Variants in CACUL1 observed in about 807,000 individuals in gnomAD.
The protein encoded by CACUL1 is CDK2 associated cullin domain 1, also known as CDK2-associated and cullin domain-containing protein 1.
A neutral mutation model predicts 45.2 loss-of-function variants in CACUL1; 13 were observed. That is an observed-to-expected ratio of 0.29 (90% CI 0.19 to 0.46). The LOEUF is 0.46. CACUL1 is among the 20% of genes least tolerant of loss of function. CACUL1 has a pLI of 1.00. For synonymous variants in CACUL1, 197 were observed against 174.2 expected, an observed-to-expected ratio of 1.13 and a Z score of -1.03; for missense variants, 421 against 471.4, an observed-to-expected ratio of 0.89 and a Z score of 0.99.
chr10:118,745,974 T>TA (rs1305797647), intron 1 of CACUL1, among the ~76,000 whole-genome samples: 2,843 of 112,132 alleles, frequency 0.025, 180 homozygotes, highest in East Asian at 0.21. Flanking sequence ...CCATCTCTAC[T>TA]AAAAAAAAAA....
At chr10:118,718,654 C>T (rs1421497774) in intron 3 of CACUL1, among the ~76,000 whole-genome samples, 1 of 152,226 alleles carries the variant, frequency 6.6e-6, no homozygotes, top group Non-Finnish European at 1.5e-5. Context: ...CGGCTCACTG[C>T]AAGCTCCACC....
intron 3 of CACUL1, 114 bp from the exon 4 acceptor site, chr10:118,707,701 C>CAAAAAAAAAAAAA (rs879008510): frequency 3.4e-6 from 1 of 291,854 alleles, no homozygotes; most frequent in African/African-American, 3.0e-5. Context: ...TCACAATTAA[C>CAAAAAAAAAAAAA]AAAAAAAAAA....
chr10:118,719,251 G>A (rs1589611372), intron 3 of CACUL1, among the ~76,000 whole-genome samples: 1 of 152,070 alleles, frequency 6.6e-6, no homozygotes, highest in African/African-American at 2.4e-5. Flanking sequence ...GTACAACGTT[G>A]GCATTTTTGT....
rs571673575 is a variant in CACUL1 at position 118,748,857 on chromosome 10, C to A, written c.367+5539G>T. On this transcript the variant is annotated intron_variant, in intron 1 of 8. Transcript: ENST00000369151. ...GCGACATGGGTTAAAATGCATCAAA[C>A]TGCACACCTAAAATGGGTACACTAT... 2.0e-5 allele frequency among the ~76,000 whole-genome samples: 3 copies of A among 152,120 alleles called. No homozygotes were observed. The South Asian group carries it at 6.2e-4, about 32-fold the overall frequency.
chr10:118,705,773 T>C (rs1845427089), intron 4 of CACUL1, among the ~76,000 whole-genome samples: 1 of 152,226 alleles, frequency 6.6e-6, no homozygotes, highest in Non-Finnish European at 1.5e-5. Context: ...AAAGAAACTT[T>C]GCTTATTATG....
chr10:118,688,498 C>A (rs1845229868), intron 7 of CACUL1, among the ~76,000 whole-genome samples: 1 of 152,122 alleles, frequency 6.6e-6, no homozygotes, highest in Non-Finnish European at 1.5e-5. Flanking sequence ...AAAATACAGA[C>A]GTGAAAACAA....
At chr10:118,699,964 A>T (rs1845362793) in intron 5 of CACUL1, among the ~76,000 whole-genome samples, 1 of 152,000 alleles carries the variant, frequency 6.6e-6, no homozygotes, top group Non-Finnish European at 1.5e-5. Flanking sequence ...ATGTTTAAAG[A>T]TGTTGATAAA....
Position 118,754,861 on chromosome 10 carries a change from C to T in CACUL1, c.-99G>A, listed in dbSNP as rs1845942179. The T allele has an allele frequency of 6.9e-7, 1 of 1,456,980 alleles. No individual in the cohort carries two copies. The highest frequency in any genetic ancestry group is 9.1e-7 in the Non-Finnish European group (1 of 1,094,794). 90.3% of individuals were successfully genotyped at this position (1,456,980 alleles called of 1,614,324 possible). ...CTGCCTCCCCGAGTTACATCGCCGG[C>T]GGCAGGAATGGGCGCAGCGGAGAGG... On this transcript the variant is annotated 5_prime_UTR_variant, in exon 1 of 9. Transcript: ENST00000369151.
At chr10:118,688,977 A>T (rs2119544599) in intron 7 of CACUL1, among the ~76,000 whole-genome samples, 1 of 152,360 alleles carries the variant, frequency 6.6e-6, no homozygotes, top group South Asian at 2.1e-4. Context: ...ACTCAGGATC[A>T]CTACATCACT....
intron 5 of CACUL1, among the ~76,000 whole-genome samples, chr10:118,696,986 G>GATAGCT (rs11282763): frequency 0.17 from 26,320 of 151,872 alleles, 2,849 homozygotes; most frequent in African/African-American, 0.28. Flanking sequence ...TGTCAAATTT[G>GATAGCT]ATAAAGAAAT....
intron 3 of CACUL1, among the ~76,000 whole-genome samples, chr10:118,711,096 T>C (rs763415605): frequency 2.6e-5 from 4 of 152,270 alleles, no homozygotes; most frequent in Non-Finnish European, 4.4e-5. Flanking sequence ...ATTTTTGTTT[T>C]TGAGATGGAG....
chr10:118,714,900 C>A (rs1484806844), intron 3 of CACUL1, among the ~76,000 whole-genome samples: 2 of 152,104 alleles, frequency 1.3e-5, no homozygotes, highest in African/African-American at 2.4e-5. Context: ...ACTTACAGAC[C>A]CCCCTGAAAG....
intron 7 of CACUL1, among the ~76,000 whole-genome samples, chr10:118,689,399 T>C (rs1359736848): frequency 6.6e-6 from 1 of 152,236 alleles, no homozygotes; most frequent in Non-Finnish European, 1.5e-5. Context: ...ATAGCACATG[T>C]ATAATAAAGT....
intron 5 of CACUL1, 91 bp from the exon 6 acceptor site, chr10:118,695,321 T>C (rs1231080274): frequency 8.1e-6 from 6 of 744,694 alleles, no homozygotes; most frequent in South Asian, 5.7e-5. Flanking sequence ...TCCTGAAACA[T>C]AAACAATTGT....
chr10:118,739,722 C>T (rs1016911890), intron 1 of CACUL1, among the ~76,000 whole-genome samples: 9 of 152,112 alleles, frequency 5.9e-5, no homozygotes, highest in African/African-American at 2.2e-4. Flanking sequence ...ATGCACTGGC[C>T]CTAAGCAATA....
At chr10:118,734,625 A>G (rs1028752664) in intron 1 of CACUL1, among the ~76,000 whole-genome samples, 6 of 152,248 alleles carry the variant, frequency 3.9e-5, no homozygotes, top group Non-Finnish European at 2.9e-5. Flanking sequence ...TGGTGCAAGA[A>G]TAAGAAAAGT....
At chr10:118,708,131 G>A (rs1308014268) in intron 3 of CACUL1, among the ~76,000 whole-genome samples, 11 of 121,360 alleles carry the variant, frequency 9.1e-5, no homozygotes, top group Admixed American at 3.0e-4. Flanking sequence ...CTGGGTGACA[G>A]AGCGAAACAC....
In CACUL1 at chr10:118,678,531, T is replaced by C. The variant is rs1470641748; in HGVS notation, c.*7597A>G. The C allele has an allele frequency of 2.0e-5, 3 of 152,214 alleles. No homozygotes were observed. The highest frequency in any genetic ancestry group is 4.8e-5 in the African/African-American group (2 of 41,462). The allele number at this position is 152,214 out of a possible 1,614,324, so 9.4% of individuals were successfully genotyped here. ...ACAGTGAAAATCATTGGGAATTTTT[T>C]TGGAATTGCAATTTGGAGAAAAAGT... is the stretch of plus-strand genomic sequence containing the variant. On this transcript the variant is annotated 3_prime_UTR_variant, in exon 9 of 9. Coordinates refer to ENST00000369151, the MANE Select transcript of CACUL1 (RefSeq NM_153810.5).
chr10:118,679,060 G>T lies in CACUL1; in HGVS notation c.*7068C>A, dbSNP rs745519157. ...CTTTTTAAATATTTTTCTCGACAGG[G>T]TCTCACTCTGTTATCCTAGCTGAAA... On this transcript the variant is annotated 3_prime_UTR_variant, in exon 9 of 9. Coordinates refer to ENST00000369151, the MANE Select transcript of CACUL1 (RefSeq NM_153810.5). 3 of 152,066 alleles carry T rather than the reference G, an allele frequency of 2.0e-5. No individual in the cohort carries two copies. The highest frequency in any genetic ancestry group is 4.8e-5 in the African/African-American group (2 of 41,384). The allele number at this position is 152,066 out of a possible 1,614,324, so 9.4% of individuals were successfully genotyped here. A position where few individuals can be genotyped will look rare whatever the true frequency, so the allele number is the denominator to read the frequency against.
Sources: gnomAD v4.1 joint callset for allele counts (sites outside exome capture counted in the v4.1 genomes callset) on GRCh38, gnomAD v4.1.1 for gene constraint, MANE v1.5 for transcripts, NCBI Gene and HGNC (gene_info 2026-07-23, HGNC 2026-07-21) for gene names.